Variants in UBXN2A observed in about 807,000 individuals in gnomAD.
The protein encoded by UBXN2A is UBX domain protein 2A.
UBXN2A carries 28 observed loss-of-function variants against 28.4 expected under a neutral mutation model. The ratio of observed to expected loss-of-function variants is 0.99; its 90% confidence interval spans 0.73 to 1.35. UBXN2A has a LOEUF of 1.35. UBXN2A is among the 40% of genes most tolerant of loss of function. The pLI, the probability that UBXN2A is intolerant of heterozygous loss-of-function variation, is 0.00. For synonymous variants in UBXN2A, 97 were observed against 103.6 expected (o/e 0.94, Z 0.39); for missense variants, 253 against 297.9 (o/e 0.85, Z 1.11).
chr2:23,927,633 A>AGGGG (rs71395164), intron 1 of UBXN2A: 5 of 127,002 alleles, frequency 3.9e-5, no homozygotes, highest in Admixed American at 8.3e-5. Flanking sequence ...TAAGAAGAGA[A>AGGGG]GGGGGGGGGG....
intron 2 of UBXN2A, among the ~76,000 whole-genome samples, chr2:23,966,396 A>C (rs1707165762): frequency 6.6e-6 from 1 of 151,462 alleles, no homozygotes; most frequent in African/African-American, 2.4e-5. Flanking sequence ...TGGCCTCCCA[A>C]AGTGCTAGGA....
intron 1 of UBXN2A, among the ~76,000 whole-genome samples, chr2:23,928,576 CA>C (rs879743867): frequency 9.5e-4 from 123 of 129,896 alleles, no homozygotes; most frequent in Middle Eastern, 4.5e-3. Context: ...GACTCCATCT[CA>C]AAAAAAAAAA....
chr2:23,968,131 G>A (rs1219145652), intron 2 of UBXN2A, among the ~76,000 whole-genome samples: 1 of 152,178 alleles, frequency 6.6e-6, no homozygotes, highest in Non-Finnish European at 1.5e-5. Context: ...CTAGCATAGT[G>A]ATTAAGAGCA....
At chr2:23,932,737 A>G (rs1199050383) in intron 1 of UBXN2A, among the ~76,000 whole-genome samples, 2 of 152,236 alleles carry the variant, frequency 1.3e-5, no homozygotes, top group African/African-American at 4.8e-5. Context: ...CTCTGACAGA[A>G]TATACCTTCA....
intron 2 of UBXN2A, among the ~76,000 whole-genome samples, chr2:23,958,751 C>T (rs1706761863): frequency 1.3e-5 from 2 of 152,166 alleles, no homozygotes; most frequent in South Asian, 2.1e-4. Flanking sequence ...CTTTGGGCAG[C>T]TTAGGTAAAT....
chr2:23,931,457 TAAGAA>T (rs780382046), intron 1 of UBXN2A, among the ~76,000 whole-genome samples: 6 of 151,166 alleles, frequency 4.0e-5, no homozygotes, highest in East Asian at 1.9e-4. Flanking sequence ...GAAACAAAAA[TAAGAA>T]AAGAAAAGAG....
chr2:23,984,635 G>A (rs1486956541), intron 5 of UBXN2A, 38 bp from the exon 6 acceptor site: 4 of 1,414,006 alleles, frequency 2.8e-6, no homozygotes, highest in Non-Finnish European at 3.7e-6. Context: ...TTTATTGAAT[G>A]GAAAAAACGT....
chr2:23,981,468 C>A (rs1303179636), intron 4 of UBXN2A, among the ~76,000 whole-genome samples: 2 of 76,700 alleles, frequency 2.6e-5, no homozygotes, highest in Non-Finnish European at 2.3e-5. Flanking sequence ...ACAGAGTGAG[C>A]TCCTATCTAA....
chr2:23,943,288 G>C (rs973898109), intron 1 of UBXN2A, among the ~76,000 whole-genome samples: 1 of 151,968 alleles, frequency 6.6e-6, no homozygotes. Flanking sequence ...CCTGACTGCT[G>C]TGTAGAAACT....
chr2:23,957,349 C>G (rs1483869475), intron 1 of UBXN2A, among the ~76,000 whole-genome samples: 1 of 152,066 alleles, frequency 6.6e-6, no homozygotes, highest in Non-Finnish European at 1.5e-5. Context: ...GTTGCCCAGG[C>G]TGGAGTGCAG....
chr2:23,958,796 G>A (rs1332857043), intron 2 of UBXN2A, among the ~76,000 whole-genome samples: 1 of 152,052 alleles, frequency 6.6e-6, no homozygotes, highest in African/African-American at 2.4e-5. Flanking sequence ...ATAAAATAAG[G>A]ATACAAATAC....
intron 1 of UBXN2A, among the ~76,000 whole-genome samples, chr2:23,946,200 C>A (rs755014950): frequency 2.0e-5 from 3 of 152,096 alleles, no homozygotes; most frequent in African/African-American, 4.8e-5. Context: ...GACATCCAGG[C>A]TGGAGTGCAG....
intron 2 of UBXN2A, among the ~76,000 whole-genome samples, chr2:23,960,727 G>C (rs1399080310): frequency 2.0e-5 from 3 of 152,020 alleles, no homozygotes; most frequent in Admixed American, 2.0e-4. Flanking sequence ...CCACCTCCCA[G>C]GTTCAAGCAA....
At chr2:23,971,083 C>G (rs775487350) in intron 2 of UBXN2A, among the ~76,000 whole-genome samples, 193 bp from the exon 3 acceptor site, 41 of 152,286 alleles carry the variant, frequency 2.7e-4, no homozygotes, top group African/African-American at 7.7e-4. Context: ...GTTAGTAGAG[C>G]TGAGGTTGAG....
chr2:23,951,413 G>GATATGGATATAT (rs1706353403), intron 1 of UBXN2A, among the ~76,000 whole-genome samples: 1 of 109,908 alleles, frequency 9.1e-6, no homozygotes, highest in Non-Finnish European at 1.8e-5. Flanking sequence ...CAGTAAGATG[G>GATATGGATATAT]ATATATATAT....
In UBXN2A at chr2:23,983,044, C is replaced by T. The variant is rs372048459; in HGVS notation, c.425+11C>T. On this transcript the variant is annotated intron_variant, in intron 5 of 6. Coordinates refer to ENST00000309033, the MANE Select transcript of UBXN2A (RefSeq NM_181713.4). Reference sequence around the variant, plus strand: ...TCACAGACTAGGAAGGTAAATATGCCTATTGTCTTGTTTTGCATAGATCAA... The same window carrying T: ...TCACAGACTAGGAAGGTAAATATGCTTATTGTCTTGTTTTGCATAGATCAA... The T allele has an allele frequency of 5.0e-6, 8 of 1,587,372 alleles. No homozygotes were observed. The African/African-American group carries it at 5.4e-5, about 11-fold the overall frequency.
intron 1 of UBXN2A, among the ~76,000 whole-genome samples, chr2:23,951,967 C>CTTTTTTTTTTTTTTT (rs901333812): frequency 7.6e-6 from 1 of 132,358 alleles, no homozygotes; most frequent in South Asian, 2.4e-4. Flanking sequence ...AGTTTTTTTC[C>CTTTTTTTTTTTTTTT]TTTTTTTTTT....
At chr2:23,944,569 A>T (rs1439125379) in intron 1 of UBXN2A, among the ~76,000 whole-genome samples, 1 of 151,412 alleles carries the variant, frequency 6.6e-6, no homozygotes, top group East Asian at 1.9e-4. Flanking sequence ...GGCTGCAAAA[A>T]CTCCCCTTTT....
Position 23,982,942 on chromosome 2 carries a change from G to A in UBXN2A, c.334G>A (p.Asp112Asn), listed in dbSNP as rs767711563. The stretch of plus-strand genomic sequence containing the variant: ...GGGAATTTTTGATAAAGAAGAGGTG[G>A]ACGTTAAAGTTGAAGACAAGAAAAA... ...LQGIFDKEEV[D>N]VKVEDKKNEI... The change falls in exon 5 of 7, where the codon GAC (aspartate) becomes AAC (asparagine). Residue 112 changes from aspartate (D) to asparagine (N), a missense_variant. Physicochemically the swap from Asp to Asn is conservative, Grantham distance 23 (BLOSUM62 1). Coordinates refer to ENST00000309033, the MANE Select transcript of UBXN2A (RefSeq NM_181713.4). The A allele has an allele frequency of 5.6e-6, 9 of 1,610,556 alleles. No homozygotes were observed. The highest frequency in any genetic ancestry group is 4.0e-5 in the African/African-American group (3 of 74,844).
Sources: gnomAD v4.1 joint callset for allele counts (sites outside exome capture counted in the v4.1 genomes callset) on GRCh38, gnomAD v4.1.1 for gene constraint, MANE v1.5 for transcripts, NCBI Gene and HGNC (gene_info 2026-07-23, HGNC 2026-07-21) for gene names.